Variants in TYW1 observed in about 807,000 individuals in gnomAD.
The protein encoded by TYW1 is tRNA-yW synthesizing protein 1 homolog.
A neutral mutation model predicts 96.2 loss-of-function variants in TYW1; 46 were observed. The observed-to-expected ratio is 0.48, with a 90% CI of 0.38 to 0.61. The LOEUF is 0.61. Ranked by LOEUF, TYW1 falls within the 20% of genes least tolerant of loss-of-function variation. TYW1 has a pLI of 0.00. For missense variants in TYW1, 684 were observed against 909.6 expected (o/e 0.75, Z 3.19); for synonymous variants, 274 against 323.0 (o/e 0.85, Z 1.63).
chr7:67,194,630 G>GATA (rs144931736), intron 14 of TYW1, among the ~76,000 whole-genome samples: 42,347 of 149,516 alleles, frequency 0.28, 6,669 homozygotes, highest in African/African-American at 0.42. Context: ...ACTCAAAAAT[G>GATA]ATAATAATAA....
At chr7:67,049,841 C>T in intron 7 of TYW1, 108 bp from the exon 8 acceptor site, 1 of 1,393,258 alleles carries the variant, frequency 7.2e-7, no homozygotes, top group South Asian at 1.3e-5. Context: ...GCCACCGTGC[C>T]CGGCCTCATA....
chr7:67,017,726 A>C, intron 5 of TYW1, 127 bp from the exon 6 acceptor site: 1 of 1,315,984 alleles, frequency 7.6e-7, no homozygotes, highest in Non-Finnish European at 1.0e-6. Context: ...TTTTGCCAGC[A>C]ATTTCCTCTT....
intron 7 of TYW1, among the ~76,000 whole-genome samples, chr7:67,025,826 G>T (rs1562971585): frequency 6.6e-6 from 1 of 151,462 alleles, no homozygotes; most frequent in Non-Finnish European, 1.5e-5. Flanking sequence ...TGGAAAATGA[G>T]AATCCCCCAA....
chr7:67,111,960 A>G (rs1419399001), intron 12 of TYW1, among the ~76,000 whole-genome samples: 1 of 151,972 alleles, frequency 6.6e-6, no homozygotes, highest in Non-Finnish European at 1.5e-5. Flanking sequence ...TTGGCTGGGC[A>G]TGGTGGTGGG....
intron 14 of TYW1, among the ~76,000 whole-genome samples, chr7:67,194,346 C>A (rs1275492755): frequency 6.6e-6 from 1 of 150,864 alleles, no homozygotes; most frequent in East Asian, 1.9e-4. Context: ...AATTTTAGGC[C>A]AGGTGTAGTG....
chr7:67,013,115 C>CT lies in TYW1; in HGVS notation c.376-1248dup, dbSNP rs1257196865. Among the ~76,000 whole-genome samples, 13 of 147,304 alleles carry CT rather than the reference C, an allele frequency of 8.8e-5. No individual in the cohort carries two copies. In the South Asian group the frequency reaches 2.6e-3, roughly 29 times the overall value. On this transcript the variant is annotated intron_variant, in intron 4 of 15. Transcript: ENST00000359626. ...GAGATCTCTCTGTATTTTTTCTTTT[C>CT]TTTTCTTTTTTTTTTTTGAGATGGA...
At chr7:67,081,822 C>A (rs182915809) in intron 10 of TYW1, among the ~76,000 whole-genome samples, 211 of 142,126 alleles carry the variant, frequency 1.5e-3, no homozygotes, top group African/African-American at 5.2e-3. Flanking sequence ...TTCTTCCTTC[C>A]TTTTTTTTGG....
chr7:67,208,811 T>C (rs1800902862), intron 15 of TYW1, among the ~76,000 whole-genome samples: 1 of 152,030 alleles, frequency 6.6e-6, no homozygotes, highest in South Asian at 2.1e-4. Flanking sequence ...CAACATGATA[T>C]AGCCTCTGGA....
At chr7:67,216,019 AAG>A (rs1801188653) in intron 15 of TYW1, among the ~76,000 whole-genome samples, 1 of 149,628 alleles carries the variant, frequency 6.7e-6, no homozygotes, top group African/African-American at 2.5e-5. Flanking sequence ...AGTACAATCA[AAG>A]TTGACACTCA....
At chr7:67,000,830 T>C (rs1329579966) in intron 3 of TYW1, among the ~76,000 whole-genome samples, 2 of 152,182 alleles carry the variant, frequency 1.3e-5, no homozygotes, top group East Asian at 3.8e-4. Context: ...CTGTTACTTT[T>C]GTGGACTACT....
intron 15 of TYW1, among the ~76,000 whole-genome samples, chr7:67,200,899 A>G (rs9886263): frequency 0.25 from 38,199 of 152,030 alleles, 4,989 homozygotes; most frequent in African/African-American, 0.3. Flanking sequence ...GCACGGAGAC[A>G]TGGCACATTG....
In TYW1 at chr7:67,105,990, C is replaced by T. The variant is rs1003428869; in HGVS notation, c.1562+7272C>T. On this transcript the variant is annotated intron_variant, in intron 12 of 15. Transcript: ENST00000359626. Reference sequence around the variant, plus strand: ...TCGGCTCACCACAACCTCCACTTCCCGGGTTCAAGTGATTCTCCTGCCTCA... The same window carrying T: ...TCGGCTCACCACAACCTCCACTTCCTGGGTTCAAGTGATTCTCCTGCCTCA... 5.3e-4 allele frequency among the ~76,000 whole-genome samples: 79 copies of T among 150,150 alleles called. 2 individuals are homozygous for T. The highest frequency in any genetic ancestry group is 1.7e-3 in the African/African-American group (70 of 40,874).
intron 8 of TYW1, among the ~76,000 whole-genome samples, chr7:67,053,081 CTT>C (rs35579526): frequency 0.24 from 31,208 of 129,596 alleles, 3,583 homozygotes; most frequent in Middle Eastern, 0.34. Context: ...CAGTTTTAAG[CTT>C]TTTTTTTTTT....
At chr7:67,001,252 A>G (rs1258958109) in intron 3 of TYW1, among the ~76,000 whole-genome samples, 1 of 152,158 alleles carries the variant, frequency 6.6e-6, no homozygotes, top group African/African-American at 2.4e-5. Flanking sequence ...AACATTACAC[A>G]AAAGTTATTG....
At chr7:67,223,779 C>T (rs964913804) in intron 15 of TYW1, among the ~76,000 whole-genome samples, 9 of 151,726 alleles carry the variant, frequency 5.9e-5, no homozygotes, top group South Asian at 2.1e-4. Flanking sequence ...GCTGAGTCAT[C>T]GGGGACTGGT....
chr7:67,077,481 A>G (rs1238489616), intron 10 of TYW1, among the ~76,000 whole-genome samples: 1 of 152,154 alleles, frequency 6.6e-6, no homozygotes, highest in Non-Finnish European at 1.5e-5. Context: ...CATTTCTTTG[A>G]TGATTAGTGA....
intron 15 of TYW1, among the ~76,000 whole-genome samples, chr7:67,207,682 T>TTC (rs1554393583): frequency 6.9e-5 from 3 of 43,304 alleles, no homozygotes; most frequent in Non-Finnish European, 8.7e-5. Flanking sequence ...TTTGTTTGCC[T>TTC]TTTTTTTTTT....
Position 67,186,288 on chromosome 7 carries a change from C to G in TYW1, c.1809+3052C>G, listed in dbSNP as rs113399856. 1.0e-3 allele frequency among the ~76,000 whole-genome samples: 104 copies of G among 103,284 alleles called. 8 individuals carry two copies. Among genetic ancestry groups the G allele is most frequent in the Admixed American group, 6.1e-3 (55 of 8,990 alleles). The allele number at this position is 103,284 out of a possible 152,430, so 67.8% of individuals were successfully genotyped here. The stretch of plus-strand genomic sequence containing the variant: ...CTTCCCCCCCGCCCCACCTCTCCCC[C>G]CTCCTTTCTTACTTTCGCAGTCATG... On this transcript the variant is annotated intron_variant, in intron 14 of 15. Transcript: ENST00000359626.
At chr7:67,091,123 A>G (rs13240520) in intron 11 of TYW1, among the ~76,000 whole-genome samples, 1 of 152,192 alleles carries the variant, frequency 6.6e-6, no homozygotes, top group African/African-American at 2.4e-5. Context: ...ACGTATGTTT[A>G]TTGCAGCACT....
Sources: allele counts gnomAD v4.1 joint callset (sites outside exome capture counted in the v4.1 genomes callset), GRCh38; gene constraint gnomAD v4.1.1; transcripts MANE v1.5; gene names NCBI Gene and HGNC (gene_info 2026-07-23, HGNC 2026-07-21).